The following PLEKHH2 variants were observed in gnomAD, a reference collection of about 807,000 sequenced individuals.
PLEKHH2 encodes the protein pleckstrin homology, MyTH4 and FERM domain containing H2.
Under a neutral mutation model 187.9 loss-of-function variants are expected in PLEKHH2, and 129 were observed. That is an observed-to-expected ratio of 0.69 (90% CI 0.59 to 0.79). The LOEUF is 0.79. PLEKHH2 is among the 30% of genes least tolerant of loss of function. PLEKHH2 has a pLI of 0.00. For missense variants in PLEKHH2, 2,076 were observed against 1,751.2 expected, an observed-to-expected ratio of 1.19 and a Z score of -3.31; for synonymous variants, 686 against 605.6, an observed-to-expected ratio of 1.13 and a Z score of -1.95.
chr2:43,648,896 A>T (rs1574473111), intron 2 of PLEKHH2, among the ~76,000 whole-genome samples: 1 of 152,310 alleles, frequency 6.6e-6, no homozygotes, highest in East Asian at 1.9e-4. Flanking sequence ...GTAATTACAT[A>T]TTGATAGCAG....
intron 14 of PLEKHH2, 28 bp from the exon 15 acceptor site, chr2:43,712,197 T>G (rs1243843825): frequency 6.2e-7 from 1 of 1,602,722 alleles, no homozygotes; most frequent in African/African-American, 1.3e-5. Context: ...ACAGTTTTCT[T>G]TCCTATACCT....
intron 24 of PLEKHH2, among the ~76,000 whole-genome samples, chr2:43,747,368 G>T (rs1024751477): frequency 1.3e-5 from 2 of 152,142 alleles, no homozygotes; most frequent in Non-Finnish European, 2.9e-5. Flanking sequence ...CTAGACGGGA[G>T]ACCTCGGGAG....
chr2:43,709,060 G>A (rs543962132), intron 11 of PLEKHH2, among the ~76,000 whole-genome samples: 3 of 152,144 alleles, frequency 2.0e-5, no homozygotes, highest in Non-Finnish European at 4.4e-5. Flanking sequence ...TCCAATTGTA[G>A]TGACTCATGA....
chr2:43,720,795 G>A lies in PLEKHH2; in HGVS notation c.2541+46G>A, dbSNP rs373333921. The A allele has an allele frequency of 1.7e-5, 27 of 1,568,386 alleles. No individual in the cohort carries two copies. The African/African-American group carries it at 3.6e-4, about 21-fold the overall frequency. On this transcript the variant is annotated intron_variant, in intron 16 of 29. Transcript: ENST00000282406. ...TGCCAATTGAAGTAACTTTTTGTGT[G>A]TTAGGGCTTAAACTTTTCCTTTTCT... is the stretch of plus-strand genomic sequence containing the variant.
intron 21 of PLEKHH2, among the ~76,000 whole-genome samples, chr2:43,742,380 A>G (rs1558603304): frequency 6.6e-6 from 1 of 151,986 alleles, no homozygotes; most frequent in Non-Finnish European, 1.5e-5. Context: ...ATTCTGCTGT[A>G]ACATGTTTTT....
chr2:43,692,109 A>G (rs1252941910), intron 3 of PLEKHH2: 1 of 152,944 alleles, frequency 6.5e-6, no homozygotes, highest in Non-Finnish European at 1.5e-5. Context: ...TTCCCATAAT[A>G]CATTATTATA....
At position 43,713,156 on chromosome 2, in the gene PLEKHH2, A is replaced by G. The variant is rs1670051070; in HGVS notation, c.2460+773A>G. Reference sequence around the variant, plus strand: ...CTTTGATCCAGCAATCTCAGTTTTAAAAATTTATCCTTAGGAAGTGGTCTT... The same window carrying G: ...CTTTGATCCAGCAATCTCAGTTTTAGAAATTTATCCTTAGGAAGTGGTCTT... On this transcript the variant is annotated intron_variant, in intron 15 of 29. Coordinates refer to ENST00000282406, the MANE Select transcript of PLEKHH2 (RefSeq NM_172069.4). 2.0e-5 allele frequency among the ~76,000 whole-genome samples: 3 copies of G among 151,970 alleles called. No individual in the cohort carries two copies. The South Asian group carries it at 6.2e-4, about 32-fold the overall frequency.
intron 20 of PLEKHH2, among the ~76,000 whole-genome samples, chr2:43,739,420 T>C (rs938333183): frequency 6.6e-6 from 1 of 152,234 alleles, no homozygotes; most frequent in Non-Finnish European, 1.5e-5. Context: ...TATCTTTGTG[T>C]ATTGACTGCC....
intron 19 of PLEKHH2, among the ~76,000 whole-genome samples, chr2:43,732,128 C>A (rs2104573801): frequency 6.6e-6 from 1 of 152,240 alleles, no homozygotes; most frequent in East Asian, 1.9e-4. Flanking sequence ...CTTTGGGAGG[C>A]CGAGGAGGGT....
chr2:43,756,769 G>A (rs1672228082), intron 25 of PLEKHH2, among the ~76,000 whole-genome samples: 1 of 152,156 alleles, frequency 6.6e-6, no homozygotes, highest in Non-Finnish European at 1.5e-5. Flanking sequence ...CCAACATGGT[G>A]AAACCCCCGT....
chr2:43,730,207 G>T (rs1670971984), intron 18 of PLEKHH2, among the ~76,000 whole-genome samples: 1 of 152,190 alleles, frequency 6.6e-6, no homozygotes, highest in Admixed American at 6.5e-5. Context: ...AGATGGCTTT[G>T]AATGTGGCCC....
intron 16 of PLEKHH2, 29 bp from the exon 17 acceptor site, chr2:43,726,243 T>C (rs747384480): frequency 1.3e-6 from 2 of 1,492,232 alleles, no homozygotes; most frequent in Non-Finnish European, 1.8e-6. Flanking sequence ...AGAAAATGCC[T>C]TCCTCACAAT....
At chr2:43,748,287 A>G (rs1262474258) in intron 24 of PLEKHH2, among the ~76,000 whole-genome samples, 16 of 152,220 alleles carry the variant, frequency 1.1e-4, no homozygotes, top group Admixed American at 1.0e-3. Flanking sequence ...GCATTCCTAG[A>G]GATAAGCAAT....
chr2:43,731,319 A>G (rs564669159), intron 18 of PLEKHH2, among the ~76,000 whole-genome samples, 171 bp from the exon 19 acceptor site: 17 of 152,304 alleles, frequency 1.1e-4, no homozygotes, highest in African/African-American at 3.8e-4. Context: ...GAGAATCCCA[A>G]TGACCTGGCT....
At chr2:43,750,869 GC>G (rs141761863) in intron 24 of PLEKHH2, among the ~76,000 whole-genome samples, 2,121 of 152,266 alleles carry the variant, frequency 0.014, 34 homozygotes, top group Non-Finnish European at 0.017. Context: ...GAGTTTCCTT[GC>G]CCTTTAGAAT....
intron 19 of PLEKHH2, among the ~76,000 whole-genome samples, chr2:43,733,216 AG>A (rs1488069283): frequency 6.6e-6 from 1 of 152,050 alleles, no homozygotes; most frequent in East Asian, 1.9e-4. Context: ...TACAAAAATT[AG>A]CCGAGTGTGA....
At chr2:43,720,439 C>T (rs556285265) in intron 15 of PLEKHH2, among the ~76,000 whole-genome samples, 4 of 152,230 alleles carry the variant, frequency 2.6e-5, no homozygotes, top group African/African-American at 4.8e-5. Context: ...CCAGCCACCC[C>T]GGTGCCCTCT....
rs73923833 is a variant in PLEKHH2 at position 43,695,074 on chromosome 2, A to G, written c.421-69A>G. 0.013 allele frequency: 10,242 copies of G among 778,542 alleles called. 808 individuals are homozygous for G. The African/African-American group carries it at 0.16, about 12-fold the overall frequency. 48.2% of individuals were successfully genotyped at this position (778,542 alleles called of 1,614,324 possible). On this transcript the variant is annotated intron_variant, in intron 5 of 29. Coordinates refer to ENST00000282406, the MANE Select transcript of PLEKHH2 (RefSeq NM_172069.4). ...AAACTAAATATTAACATTTTCTAAT[A>G]TTATAATTTATTAGTACATTTTTAT...
Position 43,753,683 on chromosome 2 carries a change from A to T in PLEKHH2, c.3718A>T (p.Thr1240Ser). 1 of 1,585,576 alleles carries T rather than the reference A, an allele frequency of 6.3e-7. No individual in the cohort carries two copies. Among genetic ancestry groups the T allele is most frequent in the South Asian group, 1.2e-5 (1 of 83,468 alleles). Residue 1240 changes from threonine (T) to serine (S), a missense_variant, in exon 25 of 30, where the codon ACA becomes TCA. Physicochemically the swap from Thr to Ser is moderately conservative, Grantham distance 58. Transcript: ENST00000282406. The stretch of plus-strand genomic sequence containing the variant: ...AGAAAAGTTGCTGTTAATGTATCAG[A>T]CAAATGATCAAATCATAAATGGACT... The part of the protein sequence containing the change: ...DREKLLLMYQ[T>S]NDQIINGLFP...
Sources: allele counts gnomAD v4.1 joint callset (sites outside exome capture counted in the v4.1 genomes callset), GRCh38; gene constraint gnomAD v4.1.1; transcripts MANE v1.5; gene names NCBI Gene and HGNC (gene_info 2026-07-23, HGNC 2026-07-21).